Variants in CNTF observed in about 807,000 individuals in gnomAD.
The protein encoded by CNTF is Ciliary Neuronotrophic Factor.
In CNTF, 14 loss-of-function variants were observed where a neutral mutation model predicts 13.0. That is an observed-to-expected ratio of 1.07 (90% confidence interval 0.71 to 1.68). The LOEUF is 1.68. Ranked by LOEUF, CNTF falls within the 40% of genes most tolerant of loss-of-function variation. The pLI is 0.00. For synonymous variants in CNTF, 98 were observed against 92.4 expected (o/e 1.06, Z -0.35); for missense variants, 283 against 252.5 (o/e 1.12, Z -0.82).
Position 58,624,185 on chromosome 11 carries a change from G to C in CNTF, c.266G>C (p.Arg89Thr), listed in dbSNP as rs767882422. The change falls in exon 2 of 2, where the codon AGG (arginine) becomes ACG (threonine). Residue 89 changes from arginine (R) to threonine (T), a missense_variant. By Grantham distance (71) the Arg-to-Thr change is moderately conservative. Coordinates refer to ENST00000361987, the MANE Select transcript of CNTF (RefSeq NM_000614.4). ...CGTACCTTCCATGTTTTGTTGGCCA[G>C]GCTCTTAGAAGACCAGCAGGTGCAT... Reference protein sequence around the residue: ...AYRTFHVLLARLLEDQQVHFT... With the variant: ...AYRTFHVLLATLLEDQQVHFT... The C allele has an allele frequency of 6.2e-6, 10 of 1,613,866 alleles. No individual in the cohort carries two copies. In the African/African-American group the frequency reaches 1.3e-4, roughly 22 times the overall value.
chr11:58,624,804 G>A lies in CNTF; in HGVS notation c.*282G>A, dbSNP rs1310656671. 14 of 396,346 alleles carry A rather than the reference G, an allele frequency of 3.5e-5. No individual in the cohort carries two copies. The highest frequency in any genetic ancestry group is 2.9e-4 in the East Asian group (5 of 17,254). The allele number at this position is 396,346 out of a possible 1,614,324, so 24.6% of individuals were successfully genotyped here. ...GTAAGAGAGTGGGAGCAGGGACAAC[G>A]TCCTTCCACTTCAGGGTTCTAACCT... is the stretch of plus-strand genomic sequence containing the variant. On this transcript the variant is annotated 3_prime_UTR_variant, in exon 2 of 2. Transcript: ENST00000361987.
At position 58,625,337 on chromosome 11, in the gene CNTF, G is replaced by A. The variant is rs928538446; in HGVS notation, c.*815G>A. Reference sequence around the variant, plus strand: ...TCAGAAGTCAGTTGCAAATTTTAGCGTTAAAGTCAGGATTTATTGTTCATA... The same window carrying A: ...TCAGAAGTCAGTTGCAAATTTTAGCATTAAAGTCAGGATTTATTGTTCATA... On this transcript the variant is annotated 3_prime_UTR_variant, in exon 2 of 2. Transcript: ENST00000361987. The A allele has an allele frequency of 2.6e-5, 4 of 152,198 alleles. No individual in the cohort carries two copies. Among genetic ancestry groups the A allele is most frequent in the Non-Finnish European group, 5.9e-5 (4 of 68,036 alleles). The allele number at this position is 152,198 out of a possible 1,614,324, so 9.4% of individuals were successfully genotyped here.
In CNTF at chr11:58,625,244, CAG is replaced by C. The variant is rs1170785646; in HGVS notation, c.*723_*724del. Reference sequence around the variant, plus strand: ...CATGAATCACTGCACCTCTTTGTCACAGGGTGTTGGAAGATGCATCCATGTAA... The same window carrying C: ...CATGAATCACTGCACCTCTTTGTCACGGTGTTGGAAGATGCATCCATGTAA... On this transcript the variant is annotated 3_prime_UTR_variant, in exon 2 of 2. Transcript: ENST00000361987. The C allele has an allele frequency of 1.3e-5, 2 of 152,236 alleles. No individual in the cohort carries two copies. Among genetic ancestry groups the C allele is most frequent in the South Asian group, 2.1e-4 (1 of 4,830 alleles). The allele number at this position is 152,236 out of a possible 1,614,324, so 9.4% of individuals were successfully genotyped here. A position where few individuals can be genotyped will look rare whatever the true frequency, so the allele number is the denominator to read the frequency against.
rs1372595968 is a variant in CNTF at position 58,622,826 on chromosome 11, G to A, written c.74G>A (p.Arg25Lys). Residue 25 changes from arginine to lysine, a missense_variant, in exon 1 of 2, where the codon AGG becomes AAG. Physicochemically the swap from Arg to Lys is conservative, Grantham distance 26. Transcript: ENST00000361987. ...DLCSRSIWLA[R>K]KIRSDLTALT... ...TGTAGCCGCTCTATCTGGCTAGCAAGGAAGATTCGTTCAGACCTGACTGCT... is the reference window on the plus strand; with the variant it reads ...TGTAGCCGCTCTATCTGGCTAGCAAAGAAGATTCGTTCAGACCTGACTGCT... The A allele has an allele frequency of 1.9e-6, 3 of 1,613,914 alleles. No individual in the cohort carries two copies. Among genetic ancestry groups the A allele is most frequent in the Non-Finnish European group, 2.5e-6 (3 of 1,179,952 alleles).
rs144681807 is a variant in CNTF, at chr11:58,624,667, G to A, written c.*145G>A. The A allele has an allele frequency of 5.0e-5, 44 of 884,016 alleles. No homozygotes were observed. In the African/African-American group the frequency reaches 5.9e-4, roughly 12 times the overall value. 54.8% of individuals were successfully genotyped at this position (884,016 alleles called of 1,614,324 possible). A position where few individuals can be genotyped will look rare whatever the true frequency, so the allele number is the denominator to read the frequency against. On this transcript the variant is annotated 3_prime_UTR_variant, in exon 2 of 2. Transcript: ENST00000361987. The stretch of plus-strand genomic sequence containing the variant: ...TTTTTTCTCTGACCACCTGCAGCCT[G>A]TTGAAGGACTACAGGTATTTTCATC...
At chr11:58,622,964 C>T in intron 1 of CNTF, 98 bp downstream of exon 1, 1 of 834,774 alleles carries the variant, frequency 1.2e-6, no homozygotes, top group Non-Finnish European at 2.0e-6. Flanking sequence ...TGTGAAAGCT[C>T]TAATCATATA....
chr11:58,624,465 T>C lies in CNTF; in HGVS notation c.546T>C (p.His182=). Residue 182 remains histidine (H), a synonymous_variant, in exon 2 of 2, where the codon CAT becomes CAC. Transcript: ENST00000361987. ...SIHDLRFISS[H]QTGIPARGSH... is the part of the protein sequence containing the mutation. The stretch of plus-strand genomic sequence containing the variant: ...ATGACCTTCGTTTCATTTCTTCTCA[T>C]CAGACTGGGATCCCAGCACGTGGGA... 1 of 1,614,036 alleles carries C rather than the reference T, an allele frequency of 6.2e-7. No individual in the cohort carries two copies. Among genetic ancestry groups the C allele is most frequent in the Non-Finnish European group, 8.5e-7 (1 of 1,179,962 alleles).
Position 58,624,355 on chromosome 11 carries a change from G to A in CNTF, c.436G>A (p.Val146Ile). 1.2e-6 allele frequency: 2 copies of A among 1,614,014 alleles called. No individual in the cohort carries two copies. Among genetic ancestry groups the A allele is most frequent in the African/African-American group, 1.3e-5 (1 of 74,976 alleles). ...TGAGGCTGATGGGATGCCTATTAAT[G>A]TTGGAGATGGTGGTCTCTTTGAGAA... ...RNEADGMPIN[V>I]GDGGLFEKKL... The change falls in exon 2 of 2, where the codon GTT becomes ATT. Residue 146 changes from valine to isoleucine, a missense_variant. Transcript: ENST00000361987.
At chr11:58,623,414 G>T (rs1477858183) in intron 1 of CNTF, among the ~76,000 whole-genome samples, 3 of 152,220 alleles carry the variant, frequency 2.0e-5, no homozygotes, top group African/African-American at 7.2e-5. Flanking sequence ...GAAACTTGTG[G>T]AAGTGTCAAA....
chr11:58,624,648 C>T lies in CNTF; in HGVS notation c.*126C>T. 9.0e-7 allele frequency: 1 copy of T among 1,114,408 alleles called. No individual in the cohort carries two copies. Among genetic ancestry groups the T allele is most frequent in the Non-Finnish European group, 1.3e-6 (1 of 764,596 alleles). 69.0% of individuals were successfully genotyped at this position (1,114,408 alleles called of 1,614,324 possible). On this transcript the variant is annotated 3_prime_UTR_variant, in exon 2 of 2. Coordinates refer to ENST00000361987, the MANE Select transcript of CNTF (RefSeq NM_000614.4). ...ACAACAGGCATTTTCTTTCTTTTTTCTCTGACCACCTGCAGCCTGTTGAAG... is the reference window on the plus strand; with the variant it reads ...ACAACAGGCATTTTCTTTCTTTTTTTTCTGACCACCTGCAGCCTGTTGAAG...
rs1855909121 is a variant in CNTF at position 58,624,876 on chromosome 11, A to G, written c.*354A>G. The G allele has an allele frequency of 3.9e-6, 1 of 258,670 alleles. No individual in the cohort carries two copies. The highest frequency in any genetic ancestry group is 1.0e-4 in the East Asian group (1 of 9,838). The allele number at this position is 258,670 out of a possible 1,614,324, so 16.0% of individuals were successfully genotyped here. A position where few individuals can be genotyped will look rare whatever the true frequency, so the allele number is the denominator to read the frequency against. On this transcript the variant is annotated 3_prime_UTR_variant, in exon 2 of 2. Transcript: ENST00000361987. ...CTACAGGCATTTAACTGCCTTACAG[A>G]CAGAATATACATATGTTAATTCTAG...
At chr11:58,623,604 G>T (rs1231684721) in intron 1 of CNTF, among the ~76,000 whole-genome samples, 2 of 152,230 alleles carry the variant, frequency 1.3e-5, no homozygotes, top group East Asian at 3.9e-4. Flanking sequence ...CTTTGGGAGT[G>T]CTCAATGGGG....
rs771838278 is a variant in CNTF, at chr11:58,624,134, G to A, written c.215G>A (p.Arg72Gln). The A allele has an allele frequency of 7.9e-5, 127 of 1,613,560 alleles. 1 individual carries two copies. Among genetic ancestry groups the A allele is most frequent in the Non-Finnish European group, 9.0e-5 (106 of 1,179,658 alleles). ...TGGAGTGAGCTGACCGAGGCAGAGC[G>A]ACTCCAAGAGAACCTTCAAGCTTAT... ...DQWSELTEAERLQENLQAYRT... is the reference protein window; with the variant it reads ...DQWSELTEAEQLQENLQAYRT... The change falls in exon 2 of 2, where the codon CGA (arginine) becomes CAA (glutamine). Residue 72 changes from arginine to glutamine, a missense_variant. By Grantham distance (43) the Arg-to-Gln change is conservative (BLOSUM62 1). Coordinates refer to ENST00000361987, the MANE Select transcript of CNTF (RefSeq NM_000614.4).
chr11:58,624,554 C>G lies in CNTF; in HGVS notation c.*32C>G. 6.2e-7 allele frequency: 1 copy of G among 1,610,328 alleles called. No individual in the cohort carries two copies. ...GTCCCTTCTCTCTTCCTTGCTTTCT[C>G]TTCTAATGGAATATGCGTAGTTCCC... is the stretch of plus-strand genomic sequence containing the variant. On this transcript the variant is annotated 3_prime_UTR_variant, in exon 2 of 2. Transcript: ENST00000361987.
rs61889535 is a variant in CNTF at position 58,624,849 on chromosome 11, C to A, written c.*327C>A. 0.021 allele frequency: 6,420 copies of A among 310,872 alleles called. 115 individuals carry two copies. Among genetic ancestry groups the A allele is most frequent in the South Asian group, 0.03 (869 of 29,394 alleles). The allele number at this position is 310,872 out of a possible 1,614,324, so 19.3% of individuals were successfully genotyped here. On this transcript the variant is annotated 3_prime_UTR_variant, in exon 2 of 2. Transcript: ENST00000361987. ...TAACCTTTCTAACCCACTAAGTAAC[C>A]TCTACAGGCATTTAACTGCCTTACA...
chr11:58,624,554 C>A lies in CNTF; in HGVS notation c.*32C>A, dbSNP rs778483294. Reference sequence around the variant, plus strand: ...GTCCCTTCTCTCTTCCTTGCTTTCTCTTCTAATGGAATATGCGTAGTTCCC... The same window carrying A: ...GTCCCTTCTCTCTTCCTTGCTTTCTATTCTAATGGAATATGCGTAGTTCCC... On this transcript the variant is annotated 3_prime_UTR_variant, in exon 2 of 2. Coordinates refer to ENST00000361987, the MANE Select transcript of CNTF (RefSeq NM_000614.4). 16 of 1,610,328 alleles carry A rather than the reference C, an allele frequency of 9.9e-6. No homozygotes were observed. In the South Asian group the frequency reaches 1.5e-4, roughly 16 times the overall value.
In CNTF at chr11:58,624,206, T is replaced by G. The variant is rs1590637175; in HGVS notation, c.287T>G (p.Val96Gly). 6.2e-7 allele frequency: 1 copy of G among 1,613,866 alleles called. No homozygotes were observed. The highest frequency in any genetic ancestry group is 8.5e-7 in the Non-Finnish European group (1 of 1,179,964). ...GCCAGGCTCTTAGAAGACCAGCAGG[T>G]GCATTTTACCCCAACCGAAGGTGAC... ...LLARLLEDQQVHFTPTEGDFH... is the reference protein window; with the variant it reads ...LLARLLEDQQGHFTPTEGDFH... Residue 96 changes from valine (V) to glycine (G), a missense_variant, in exon 2 of 2, where the codon GTG (valine) becomes GGG (glycine). Transcript: ENST00000361987.
At chr11:58,623,513 C>T (rs1342772915) in intron 1 of CNTF, among the ~76,000 whole-genome samples, 1 of 152,176 alleles carries the variant, frequency 6.6e-6, no homozygotes. Flanking sequence ...TGTGGAAATA[C>T]TCCAACCCCT....
rs1298314712 is a variant in CNTF at position 58,624,179 on chromosome 11, T to G, written c.260T>G (p.Leu87Trp). ...LQAYRTFHVL[L>W]ARLLEDQQVH... is the part of the protein sequence containing the mutation. ...GCTTATCGTACCTTCCATGTTTTGT[T>G]GGCCAGGCTCTTAGAAGACCAGCAG... Residue 87 changes from leucine (L) to tryptophan (W), a missense_variant, in exon 2 of 2, where the codon TTG becomes TGG. By Grantham distance (61) the Leu-to-Trp change is moderately conservative. Coordinates refer to ENST00000361987, the MANE Select transcript of CNTF (RefSeq NM_000614.4). 1.2e-6 allele frequency: 2 copies of G among 1,614,072 alleles called. No individual in the cohort carries two copies. The highest frequency in any genetic ancestry group is 1.7e-6 in the Non-Finnish European group (2 of 1,180,008).
Sources: allele counts gnomAD v4.1 joint callset (sites outside exome capture counted in the v4.1 genomes callset), GRCh38; gene constraint gnomAD v4.1.1; transcripts MANE v1.5; gene names NCBI Gene and HGNC (gene_info 2026-07-23, HGNC 2026-07-21).